The following CATSPERE variants were observed in gnomAD, a reference collection of about 807,000 sequenced individuals.
CATSPERE encodes the protein catsper channel auxiliary subunit epsilon.
A neutral mutation model predicts 114.1 loss-of-function variants in CATSPERE; 93 were observed. The observed-to-expected ratio is 0.81, with a 90% CI of 0.69 to 0.97. The LOEUF (loss-of-function observed/expected upper bound fraction) is 0.97, where lower values mean the gene tolerates loss of function less well. Ranked by LOEUF, CATSPERE falls within the 50% of genes least tolerant of loss-of-function variation. CATSPERE has a pLI of 0.00. For synonymous variants in CATSPERE, 341 were observed against 384.1 expected (o/e 0.89, Z 1.31); for missense variants, 1,058 against 1,131.6 (o/e 0.93, Z 0.93).
At chr1:244,534,095 G>T (rs2148429907) in intron 8 of CATSPERE, among the ~76,000 whole-genome samples, 1 of 152,188 alleles carries the variant, frequency 6.6e-6, no homozygotes, top group East Asian at 1.9e-4. Context: ...CTCTCTCCTT[G>T]CCTGTAAAGT....
At chr1:244,487,234 C>G (rs1017840586) in intron 5 of CATSPERE, among the ~76,000 whole-genome samples, 1 of 152,012 alleles carries the variant, frequency 6.6e-6, no homozygotes, top group African/African-American at 2.4e-5. Flanking sequence ...TCGTAATCAC[C>G]TGGTGGGTGG....
chr1:244,509,162 G>T (rs1319030371), intron 7 of CATSPERE, among the ~76,000 whole-genome samples: 1 of 152,032 alleles, frequency 6.6e-6, no homozygotes, highest in African/African-American at 2.4e-5. Context: ...TTCTTAGAGG[G>T]AGAAGCTTTC....
At chr1:244,555,734 G>T (rs1179005368) in intron 9 of CATSPERE, among the ~76,000 whole-genome samples, 1 of 152,128 alleles carries the variant, frequency 6.6e-6, no homozygotes, top group East Asian at 1.9e-4. Flanking sequence ...CAGTAAAGTT[G>T]AAGGATATAA....
At chr1:244,610,360 T>C (rs773353893) in intron 19 of CATSPERE, 34 bp downstream of exon 19, 5 of 1,462,272 alleles carry the variant, frequency 3.4e-6, no homozygotes, top group Non-Finnish European at 3.8e-6. Context: ...ATTGTTTATT[T>C]GGAATAACTA....
chr1:244,581,152 CCATCCATAAACATCTACATATA>C (rs1666115933), intron 11 of CATSPERE, among the ~76,000 whole-genome samples: 1 of 152,038 alleles, frequency 6.6e-6, no homozygotes, highest in Non-Finnish European at 1.5e-5. Flanking sequence ...ATACACACAT[CCATCCATAAACATCTACATATA>C]TTGTATTTTT....
intron 21 of CATSPERE, 112 bp downstream of exon 21, chr1:244,635,654 C>G: frequency 1.4e-6 from 1 of 711,486 alleles, no homozygotes; most frequent in East Asian, 2.7e-5. Context: ...CCTGTGCACT[C>G]ACTTTTCAGG....
chr1:244,591,908 A>G (rs1163944615), intron 15 of CATSPERE, among the ~76,000 whole-genome samples, 177 bp downstream of exon 15: 1 of 152,226 alleles, frequency 6.6e-6, no homozygotes, highest in African/African-American at 2.4e-5. Flanking sequence ...CCTGAAACAT[A>G]CAAGAGTCAG....
intron 2 of CATSPERE, among the ~76,000 whole-genome samples, chr1:244,475,561 G>A (rs113860431): frequency 9.5e-5 from 12 of 126,132 alleles, no homozygotes; most frequent in African/African-American, 1.2e-4. Flanking sequence ...TTTTTGAGAC[G>A]GAGTCTCACT....
chr1:244,598,517 G>T, intron 17 of CATSPERE: 1 of 198,338 alleles, frequency 5.0e-6, no homozygotes, highest in South Asian at 7.6e-5. Context: ...CGTAGATGAT[G>T]CATTTGTTCT....
intron 11 of CATSPERE, 121 bp from the exon 12 acceptor site, chr1:244,581,675 C>A: frequency 1.8e-6 from 1 of 549,260 alleles, no homozygotes; most frequent in Non-Finnish European, 3.3e-6. Context: ...TGATGAACAT[C>A]ATTACATACC....
chr1:244,470,412 G>A (rs1668288757), intron 2 of CATSPERE, among the ~76,000 whole-genome samples: 1 of 152,084 alleles, frequency 6.6e-6, no homozygotes, highest in African/African-American at 2.4e-5. Flanking sequence ...ATATCCAAAT[G>A]GCCAATAAGC....
intron 5 of CATSPERE, among the ~76,000 whole-genome samples, chr1:244,481,432 C>G (rs1351117024): frequency 6.6e-6 from 1 of 152,102 alleles, no homozygotes; most frequent in Non-Finnish European, 1.5e-5. Context: ...GCCTTGGCAG[C>G]AAGAGCAAAA....
At chr1:244,553,642 C>CACACACACACAT (rs1228966092) in intron 9 of CATSPERE, among the ~76,000 whole-genome samples, 22 of 130,490 alleles carry the variant, frequency 1.7e-4, no homozygotes, top group African/African-American at 2.4e-4. Context: ...CACACACACA[C>CACACACACACAT]ACATACATAT....
At chr1:244,547,431 T>C (rs1469844068) in intron 8 of CATSPERE, among the ~76,000 whole-genome samples, 1 of 152,204 alleles carries the variant, frequency 6.6e-6, no homozygotes, top group African/African-American at 2.4e-5. Context: ...ATTCTCATAC[T>C]GTAATGATGG....
chr1:244,530,522 A>C (rs924786561), intron 8 of CATSPERE, among the ~76,000 whole-genome samples: 2 of 152,108 alleles, frequency 1.3e-5, no homozygotes, highest in Non-Finnish European at 2.9e-5. Flanking sequence ...GGTTCTGTAA[A>C]AATTTTAGGA....
intron 1 of CATSPERE, among the ~76,000 whole-genome samples, chr1:244,461,719 C>T (rs1265440852): frequency 1.3e-5 from 2 of 152,194 alleles, no homozygotes; most frequent in Non-Finnish European, 2.9e-5. Flanking sequence ...TACCCTGCTC[C>T]AGCTCCTGCA....
At chr1:244,580,211 A>AT (rs747379847) in intron 11 of CATSPERE, among the ~76,000 whole-genome samples, 3,075 of 110,830 alleles carry the variant, frequency 0.028, 72 homozygotes, top group African/African-American at 0.069. Context: ...TAATTTTTGT[A>AT]TTTTTTTTTT....
At chr1:244,631,346 C>T (rs894235089) in intron 20 of CATSPERE, among the ~76,000 whole-genome samples, 1 of 152,080 alleles carries the variant, frequency 6.6e-6, no homozygotes, top group Non-Finnish European at 1.5e-5. Flanking sequence ...AACTATAAAA[C>T]TCATAGAAGA....
intron 20 of CATSPERE, among the ~76,000 whole-genome samples, chr1:244,632,702 T>G (rs1475720819): frequency 6.6e-6 from 1 of 151,788 alleles, no homozygotes; most frequent in African/African-American, 2.4e-5. Flanking sequence ...TTAAAAAAAC[T>G]TTATTAATAC....
Sources: allele counts gnomAD v4.1 joint callset (sites outside exome capture counted in the v4.1 genomes callset), GRCh38; gene constraint gnomAD v4.1.1; transcripts MANE v1.5; gene names NCBI Gene and HGNC (gene_info 2026-07-23, HGNC 2026-07-21).